The following HEMK2 variants were observed in gnomAD, a reference collection of about 807,000 sequenced individuals.
HEMK2 encodes the protein HemK methyltransferase 2, ETF1 glutamine and histone H4 lysine, also known as methyltransferase HEMK2.
the HEMK2 span, among the ~76,000 whole-genome samples, chr21:28,811,098 T>C: frequency 1.3e-5 from 2 of 151,950 alleles, no homozygotes; most frequent in Non-Finnish European, 2.9e-5. Flanking sequence ...AATCCAGACA[T>C]AGGCCAGGCA....
the HEMK2 span, among the ~76,000 whole-genome samples, chr21:28,730,424 C>T: frequency 1.3e-5 from 1 of 78,922 alleles, no homozygotes; most frequent in African/African-American, 1.0e-4. Flanking sequence ...ACACATTTCT[C>T]ACAATTTCTA....
At chr21:28,821,731 A>T in the HEMK2 span, among the ~76,000 whole-genome samples, 1 of 152,214 alleles carries the variant, frequency 6.6e-6, no homozygotes, top group South Asian at 2.1e-4. Flanking sequence ...AATAATAAAA[A>T]CAACAATTCT....
At chr21:28,646,699 C>T in the HEMK2 span, among the ~76,000 whole-genome samples, 13 of 152,294 alleles carry the variant, frequency 8.5e-5, no homozygotes, top group African/African-American at 3.1e-4. Context: ...TGTAAAATGG[C>T]TCACTCATAT....
the HEMK2 span, among the ~76,000 whole-genome samples, chr21:28,856,528 C>T: frequency 3.9e-5 from 6 of 152,166 alleles, no homozygotes; most frequent in Non-Finnish European, 7.3e-5. Flanking sequence ...CTGCAGTCTG[C>T]ACCTCTCACA....
At chr21:28,758,900 T>C in the HEMK2 span, among the ~76,000 whole-genome samples, 5 of 152,188 alleles carry the variant, frequency 3.3e-5, no homozygotes, top group Non-Finnish European at 4.4e-5. Context: ...GAAGTATGTA[T>C]GCCTGCTGCG....
At chr21:28,716,005 T>C in the HEMK2 span, among the ~76,000 whole-genome samples, 2 of 152,226 alleles carry the variant, frequency 1.3e-5, no homozygotes, top group Non-Finnish European at 2.9e-5. Context: ...TCTATGTATC[T>C]GTTTTTGAAG....
chr21:28,623,000 A>G, the HEMK2 span, among the ~76,000 whole-genome samples: 4 of 152,292 alleles, frequency 2.6e-5, no homozygotes, highest in Admixed American at 2.6e-4. Context: ...GAATGAAACT[A>G]AAGAGCTTCT....
chr21:28,828,840 T>C, the HEMK2 span, among the ~76,000 whole-genome samples: 2 of 152,176 alleles, frequency 1.3e-5, no homozygotes, highest in Admixed American at 6.5e-5. Context: ...TTTTAATTCA[T>C]TAAGCCTTAG....
chr21:28,670,897 C>G, the HEMK2 span: 4 of 152,196 alleles, frequency 2.6e-5, no homozygotes, highest in Non-Finnish European at 5.9e-5. Flanking sequence ...AGGAACCACC[C>G]TCATGATCCA....
chr21:28,673,701 T>C, the HEMK2 span, among the ~76,000 whole-genome samples: 1 of 118,226 alleles, frequency 8.5e-6, no homozygotes, highest in East Asian at 3.0e-4. Flanking sequence ...CAGATAAATT[T>C]ATATTCTCAG....
chr21:28,615,236 C>T, the HEMK2 span, among the ~76,000 whole-genome samples: 1 of 152,066 alleles, frequency 6.6e-6, no homozygotes, highest in African/African-American at 2.4e-5. Flanking sequence ...GAGTAAGATG[C>T]TGGAAGGAAG....
chr21:28,850,459 C>T, the HEMK2 span, among the ~76,000 whole-genome samples: 2 of 152,036 alleles, frequency 1.3e-5, no homozygotes, highest in Non-Finnish European at 2.9e-5. Flanking sequence ...CTCCTGACCT[C>T]GTGATCCGCC....
the HEMK2 span, among the ~76,000 whole-genome samples, chr21:28,734,756 T>G: frequency 6.6e-6 from 1 of 152,210 alleles, no homozygotes; most frequent in Admixed American, 6.5e-5. Flanking sequence ...CCTTTCTAAA[T>G]GTGGCAGTGT....
chr21:28,673,094 G>A, the HEMK2 span, among the ~76,000 whole-genome samples: 173 of 145,092 alleles, frequency 1.2e-3, no homozygotes, highest in Non-Finnish European at 2.1e-3. Context: ...GAGGGAGGAA[G>A]GAAGAAAGAA....
the HEMK2 span, among the ~76,000 whole-genome samples, chr21:28,879,101 TA>T: frequency 0.39 from 15,074 of 38,378 alleles, 2,125 homozygotes; most frequent in African/African-American, 0.51. Context: ...TTTTTTTTTT[TA>T]GAGACAGGGT....
At chr21:28,740,388 T>C in the HEMK2 span, among the ~76,000 whole-genome samples, 3 of 152,306 alleles carry the variant, frequency 2.0e-5, no homozygotes, top group South Asian at 4.1e-4. Context: ...AGAGCTGACA[T>C]AAAGCAGGAA....
the HEMK2 span, among the ~76,000 whole-genome samples, chr21:28,708,079 C>T: frequency 2.0e-5 from 3 of 152,074 alleles, no homozygotes; most frequent in Admixed American, 2.0e-4. Flanking sequence ...AAAACAAGCC[C>T]ATGGCCAAAA....
the HEMK2 span, among the ~76,000 whole-genome samples, chr21:28,799,232 C>A: frequency 6.6e-6 from 1 of 152,174 alleles, no homozygotes; most frequent in Admixed American, 6.5e-5. Flanking sequence ...GGAGGCCTCA[C>A]AATCATGGAG....
the HEMK2 span, among the ~76,000 whole-genome samples, chr21:28,757,711 G>C: frequency 0.11 from 16,527 of 152,218 alleles, 1,077 homozygotes; most frequent in East Asian, 0.3. Flanking sequence ...AGAAAGAATT[G>C]AGTTGGTCAG....
Sources: gnomAD v4.1 joint callset for allele counts (sites outside exome capture counted in the v4.1 genomes callset) on GRCh38, gnomAD v4.1.1 for gene constraint, MANE v1.5 for transcripts, NCBI Gene and HGNC (gene_info 2026-07-23, HGNC 2026-07-21) for gene names.